Variants in PPP1R1C observed in about 807,000 individuals in gnomAD.
PPP1R1C encodes protein phosphatase 1 regulatory inhibitor subunit 1C, also known as protein phosphatase 1 regulatory subunit 1C.
A neutral mutation model predicts 17.4 loss-of-function variants in PPP1R1C; 15 were observed. That is an observed-to-expected ratio of 0.86 (90% CI 0.58 to 1.33). The LOEUF (loss-of-function observed/expected upper bound fraction) is 1.33. Ranked by LOEUF, PPP1R1C falls within the 40% of genes most tolerant of loss-of-function variation. The pLI is 0.00. For missense variants in PPP1R1C, 143 were observed against 130.0 expected, an observed-to-expected ratio of 1.10 and a Z score of -0.48; for synonymous variants, 35 against 43.1, an observed-to-expected ratio of 0.81 and a Z score of 0.73.
intron 3 of PPP1R1C, 120 bp downstream of exon 3, chr2:182,061,599 T>C: frequency 1.9e-6 from 1 of 532,980 alleles, no homozygotes; most frequent in Non-Finnish European, 3.2e-6. Flanking sequence ...GATTGCTCCT[T>C]CTGACTGAAT....
At chr2:182,033,460 GTGA>G (rs756364212) in intron 2 of PPP1R1C, among the ~76,000 whole-genome samples, 15 of 152,134 alleles carry the variant, frequency 9.9e-5, no homozygotes, top group Non-Finnish European at 1.6e-4. Flanking sequence ...ATGTCTAAAA[GTGA>G]ATTTATGACT....
At chr2:182,040,852 C>G (rs914712388) in intron 2 of PPP1R1C, among the ~76,000 whole-genome samples, 1 of 152,026 alleles carries the variant, frequency 6.6e-6, no homozygotes, top group African/African-American at 2.4e-5. Context: ...GGTAGGGACC[C>G]AGTTTTCTCT....
chr2:182,072,476 A>G (rs1688167713), intron 4 of PPP1R1C, among the ~76,000 whole-genome samples: 2 of 152,362 alleles, frequency 1.3e-5, no homozygotes, highest in South Asian at 4.1e-4. Context: ...GAAAACTATG[A>G]AAGGTAACTA....
At chr2:182,078,925 C>T (rs1236021804) in intron 4 of PPP1R1C, among the ~76,000 whole-genome samples, 1 of 152,190 alleles carries the variant, frequency 6.6e-6, no homozygotes, top group Non-Finnish European at 1.5e-5. Flanking sequence ...CCCTTCCAAA[C>T]ATTCTGAAAG....
intron 2 of PPP1R1C, among the ~76,000 whole-genome samples, chr2:182,056,436 A>G (rs1687686770): frequency 6.6e-6 from 1 of 152,132 alleles, no homozygotes. Context: ...TGCCATTGCT[A>G]TTGCTTTTGA....
chr2:182,084,616 G>T (rs2125216037), intron 4 of PPP1R1C, among the ~76,000 whole-genome samples: 1 of 152,070 alleles, frequency 6.6e-6, no homozygotes, highest in Non-Finnish European at 1.5e-5. Context: ...TGTTTTATTG[G>T]TCTATGCATC....
intron 4 of PPP1R1C, among the ~76,000 whole-genome samples, chr2:182,071,064 T>C (rs1688125306): frequency 6.6e-6 from 1 of 152,198 alleles, no homozygotes; most frequent in Admixed American, 6.5e-5. Flanking sequence ...ATTACAATTG[T>C]ACATGAGATT....
At chr2:182,123,137 A>G (rs949953052) in intron 5 of PPP1R1C, among the ~76,000 whole-genome samples, 6 of 152,128 alleles carry the variant, frequency 3.9e-5, no homozygotes, top group African/African-American at 1.4e-4. Flanking sequence ...GTTTGCTCAG[A>G]ATGATGGTTT....
At chr2:182,004,604 G>A (rs1411974896) in intron 2 of PPP1R1C, among the ~76,000 whole-genome samples, 1 of 152,238 alleles carries the variant, frequency 6.6e-6, no homozygotes, top group African/African-American at 2.4e-5. Flanking sequence ...CCTGTTATGT[G>A]TGGCATGGTG....
At chr2:182,065,282 A>G (rs911186763) in intron 4 of PPP1R1C, among the ~76,000 whole-genome samples, 15 of 152,238 alleles carry the variant, frequency 9.9e-5, no homozygotes, top group African/African-American at 3.4e-4. Flanking sequence ...ATAATCAGAA[A>G]TGATTTGGAA....
At position 182,117,284 on chromosome 2, in the gene PPP1R1C, C is replaced by T. The variant is rs1232051000; in HGVS notation, c.319C>T (p.Arg107Trp). 30 of 1,556,672 alleles carry T rather than the reference C, an allele frequency of 1.9e-5. No homozygotes were observed. The highest frequency in any genetic ancestry group is 8.2e-5 in the African/African-American group (6 of 73,084). The change falls in exon 5 of 5, where the codon CGG becomes TGG. Residue 107 changes from arginine to tryptophan, a missense_variant. Physicochemically the swap from Arg to Trp is moderately radical, Grantham distance 101. Coordinates refer to ENST00000682840, the MANE Select transcript of PPP1R1C (RefSeq NM_001080545.3). Reference sequence around the variant, plus strand: ...AGGCACCAATGAAAGAGAGGAGCAGCGGGACCATTAATTACTGGTCTGCAG... The same window carrying T: ...AGGCACCAATGAAAGAGAGGAGCAGTGGGACCATTAATTACTGGTCTGCAG... ...EEGTNEREEQ[R>W]DH
rs545185009 is a variant in PPP1R1C, at chr2:182,036,844, T to G, written c.143-24598T>G. Reference sequence around the variant, plus strand: ...CATTTGTAAGTTGTAAGTTGCATTTTCAAGGTGAACTCACTAGAAGCCTGG... The same window carrying G: ...CATTTGTAAGTTGTAAGTTGCATTTGCAAGGTGAACTCACTAGAAGCCTGG... On this transcript the variant is annotated intron_variant, in intron 2 of 4. Coordinates refer to ENST00000682840, the MANE Select transcript of PPP1R1C (RefSeq NM_001080545.3). 2.6e-5 allele frequency among the ~76,000 whole-genome samples: 4 copies of G among 152,352 alleles called. No homozygotes were observed. In the East Asian group the frequency reaches 7.7e-4, roughly 29 times the overall value.
chr2:181,989,073 C>T (rs1287089834), intron 2 of PPP1R1C, among the ~76,000 whole-genome samples: 2 of 152,110 alleles, frequency 1.3e-5, no homozygotes, highest in East Asian at 1.9e-4. Context: ...TAAGTCTTCT[C>T]GATTTGGGGG....
intron 1 of PPP1R1C, among the ~76,000 whole-genome samples, chr2:181,958,853 T>C (rs1214936378): frequency 6.6e-5 from 10 of 152,276 alleles, no homozygotes; most frequent in Admixed American, 6.5e-4. Flanking sequence ...TATAACTGTT[T>C]CACTATTTAT....
At chr2:182,126,889 G>C (rs1559104056) in intron 5 of PPP1R1C, among the ~76,000 whole-genome samples, 5 of 151,954 alleles carry the variant, frequency 3.3e-5, no homozygotes, top group Non-Finnish European at 5.9e-5. Flanking sequence ...TTGGAGACAA[G>C]GGAAAAATTC....
At chr2:182,071,038 A>C (rs1196171) in intron 4 of PPP1R1C, among the ~76,000 whole-genome samples, 175 of 152,166 alleles carry the variant, frequency 1.2e-3, no homozygotes, top group African/African-American at 4.0e-3. Context: ...ACCAAGCCCC[A>C]CCTCCAACAC....
chr2:182,114,483 A>G (rs1689524797), intron 4 of PPP1R1C, among the ~76,000 whole-genome samples: 1 of 152,170 alleles, frequency 6.6e-6, no homozygotes, highest in African/African-American at 2.4e-5. Flanking sequence ...AAATTATTAC[A>G]TAGTCCTCAG....
rs552897362 is a variant in PPP1R1C at position 181,961,219 on chromosome 2, T to G, written n.111+6585T>G. ...TTCTGCTGGCTTGATGTCTTAGAAC[T>G]TTGGTGTCATTGGTCTCAGACACCA... On this transcript the variant is annotated intron_variant and non_coding_transcript_variant, in intron 1 of 5. Coordinates refer to the PPP1R1C transcript ENST00000464264. This position sits in a 1 kb window ranked among gnomAD's most constrained non-coding sequence, Gnocchi z 5.8. 149 of 892,104 alleles carry G rather than the reference T, an allele frequency of 1.7e-4. 1 individual carries two copies. Among genetic ancestry groups the G allele is most frequent in the Middle Eastern group, 1.0e-3 (3 of 2,986 alleles). 55.3% of individuals were successfully genotyped at this position (892,104 alleles called of 1,614,324 possible). A position where few individuals can be genotyped will look rare whatever the true frequency, so the allele number is the denominator to read the frequency against.
intron 4 of PPP1R1C, among the ~76,000 whole-genome samples, chr2:182,072,856 C>T (rs1688178983): frequency 6.6e-6 from 1 of 152,192 alleles, no homozygotes; most frequent in Non-Finnish European, 1.5e-5. Context: ...CTGTCTCCAG[C>T]TTCTCTCCCT....
Sources: gnomAD v4.1 joint callset for allele counts (sites outside exome capture counted in the v4.1 genomes callset) on GRCh38, gnomAD v4.1.1 for gene constraint, Gnocchi (gnomAD v3.1) non-coding constraint, MANE v1.5 for transcripts, NCBI Gene and HGNC (gene_info 2026-07-23, HGNC 2026-07-21) for gene names.